Variants in BLTP3B observed in about 807,000 individuals in gnomAD.
BLTP3B encodes the protein bridge-like lipid transfer protein family member 3B, also known as UHRF1 (ICBP90) binding protein 1-like.
chr12:100,048,025 A>G, the BLTP3B span: 1 of 1,608,710 alleles, frequency 6.2e-7, no homozygotes, highest in Non-Finnish European at 8.5e-7. Flanking sequence ...AAAATGTTGA[A>G]TATTCATAAG....
chr12:100,107,500 T>C, the BLTP3B span, among the ~76,000 whole-genome samples: 3 of 151,344 alleles, frequency 2.0e-5, no homozygotes, highest in Non-Finnish European at 4.4e-5. Flanking sequence ...CCAGACGTGG[T>C]GGCACGTGCC....
At chr12:100,057,725 G>T in the BLTP3B span, 1 of 1,610,678 alleles carries the variant, frequency 6.2e-7, no homozygotes, top group Non-Finnish European at 8.5e-7. Context: ...GGTTGGGTGG[G>T]CAACGTTCCT....
chr12:100,077,310 T>C, the BLTP3B span, among the ~76,000 whole-genome samples: 1 of 152,224 alleles, frequency 6.6e-6, no homozygotes, highest in Non-Finnish European at 1.5e-5. Context: ...GAATAGGATA[T>C]ACCATACATA....
At chr12:100,135,388 C>CCT in the BLTP3B span, among the ~76,000 whole-genome samples, 1 of 151,758 alleles carries the variant, frequency 6.6e-6, no homozygotes, top group African/African-American at 2.4e-5. Flanking sequence ...CCCATCTCAG[C>CCT]CTCTCTAGTA....
At chr12:100,058,403 T>C in the BLTP3B span, 1 of 1,612,596 alleles carries the variant, frequency 6.2e-7, no homozygotes, top group Non-Finnish European at 8.5e-7. Context: ...AAATGCCTTT[T>C]TGCAGATTTG....
chr12:100,048,130 C>T, the BLTP3B span: 1 of 1,610,214 alleles, frequency 6.2e-7, no homozygotes, highest in South Asian at 1.1e-5. Flanking sequence ...AGCACCAGGC[C>T]CACTTTCAAA....
the BLTP3B span, chr12:100,093,083 G>T: frequency 2.2e-6 from 1 of 447,328 alleles, no homozygotes; most frequent in Non-Finnish European, 2.9e-6. Flanking sequence ...TATACAACAT[G>T]TTTCATATAC....
the BLTP3B span, among the ~76,000 whole-genome samples, chr12:100,081,357 G>A: frequency 1.3e-5 from 2 of 152,108 alleles, no homozygotes; most frequent in Admixed American, 6.5e-5. Flanking sequence ...TTGAACCAGA[G>A]GGTAGTTTTT....
chr12:100,079,271 T>G, the BLTP3B span, among the ~76,000 whole-genome samples: 8 of 152,196 alleles, frequency 5.3e-5, no homozygotes, highest in African/African-American at 1.9e-4. Flanking sequence ...CAGGAAAATT[T>G]GGGAAAGTTT....
At chr12:100,133,752 C>T in the BLTP3B span, among the ~76,000 whole-genome samples, 42 of 152,172 alleles carry the variant, frequency 2.8e-4, no homozygotes, top group East Asian at 4.6e-3. Context: ...AATCAGTATC[C>T]GGTTTTAGTT....
chr12:100,097,895 G>A, the BLTP3B span, among the ~76,000 whole-genome samples: 1 of 152,138 alleles, frequency 6.6e-6, no homozygotes, highest in East Asian at 1.9e-4. Context: ...ATTAAAATGT[G>A]CACATTTTAT....
At chr12:100,142,716 G>A in the BLTP3B span, 17 of 1,535,878 alleles carry the variant, frequency 1.1e-5, no homozygotes, top group Admixed American at 2.0e-5. Flanking sequence ...CTCTGTCCCG[G>A]CTAGCCCGGC....
chr12:100,115,881 A>T, the BLTP3B span, among the ~76,000 whole-genome samples: 1 of 152,318 alleles, frequency 6.6e-6, no homozygotes, highest in East Asian at 1.9e-4. Flanking sequence ...TCACCACATT[A>T]AAAGTAAAAT....
the BLTP3B span, among the ~76,000 whole-genome samples, chr12:100,103,286 T>C: frequency 1.1e-4 from 17 of 151,946 alleles, no homozygotes; most frequent in Admixed American, 1.1e-3. Context: ...AAATATGAAA[T>C]AAGCAGGAAA....
chr12:100,096,442 T>G, the BLTP3B span, among the ~76,000 whole-genome samples: 1 of 152,100 alleles, frequency 6.6e-6, no homozygotes, highest in Non-Finnish European at 1.5e-5. Flanking sequence ...AATTCAAAGA[T>G]TCAATAGAAG....
the BLTP3B span, among the ~76,000 whole-genome samples, chr12:100,074,575 C>G: frequency 1.5e-5 from 2 of 132,510 alleles, no homozygotes; most frequent in South Asian, 4.7e-4. Flanking sequence ...GCCTGGGCAA[C>G]AGAACAAGAC....
At chr12:100,086,265 T>C in the BLTP3B span, 243 of 1,494,376 alleles carry the variant, frequency 1.6e-4, 1 homozygote, top group East Asian at 5.5e-3. Flanking sequence ...AAAGATGCTG[T>C]TATACACACC....
At chr12:100,098,931 T>TAGATAGATAGATAGACAGAC in the BLTP3B span, among the ~76,000 whole-genome samples, 7 of 151,480 alleles carry the variant, frequency 4.6e-5, no homozygotes, top group African/African-American at 7.3e-5. Context: ...GATAGATAGA[T>TAGATAGATAGATAGACAGAC]AGACAGACAG....
At chr12:100,133,051 G>C in the BLTP3B span, among the ~76,000 whole-genome samples, 88 of 152,024 alleles carry the variant, frequency 5.8e-4, no homozygotes, top group Admixed American at 3.6e-3. Flanking sequence ...AGACCATCCT[G>C]GCTAACACGG....
Sources: allele counts gnomAD v4.1 joint callset (sites outside exome capture counted in the v4.1 genomes callset), GRCh38; gene constraint gnomAD v4.1.1; transcripts MANE v1.5; gene names NCBI Gene and HGNC (gene_info 2026-07-23, HGNC 2026-07-21).